Variants in TXLNB observed in about 807,000 individuals in gnomAD.
TXLNB encodes the protein taxilin beta, also known as beta-taxilin.
A neutral mutation model predicts 57.4 loss-of-function variants in TXLNB; 37 were observed. The observed-to-expected ratio is 0.64, with a 90% CI of 0.50 to 0.85. TXLNB has a LOEUF of 0.85. Ranked by LOEUF, TXLNB falls within the 40% of genes least tolerant of loss-of-function variation. The pLI is 0.00. For missense variants in TXLNB, 848 were observed against 825.6 expected (o/e 1.03, Z -0.33); for synonymous variants, 302 against 309.6 (o/e 0.98, Z 0.26).
the TXLNB span, among the ~76,000 whole-genome samples, chr6:139,174,130 C>A: frequency 6.6e-6 from 1 of 152,052 alleles, no homozygotes; most frequent in Admixed American, 6.5e-5. Flanking sequence ...GCCCAGCAGC[C>A]CTTTTTGGAA....
At chr6:139,194,838 C>G in the TXLNB span, among the ~76,000 whole-genome samples, 1 of 152,200 alleles carries the variant, frequency 6.6e-6, no homozygotes, top group Non-Finnish European at 1.5e-5. Flanking sequence ...GGAAGTGTTA[C>G]TACTCTTTCC....
chr6:139,229,854 G>T, the TXLNB span, among the ~76,000 whole-genome samples: 1 of 152,144 alleles, frequency 6.6e-6, no homozygotes, highest in Non-Finnish European at 1.5e-5. Flanking sequence ...AATATTCTCT[G>T]ATAGACAATG....
chr6:139,166,330 G>A, the TXLNB span: 2 of 1,613,052 alleles, frequency 1.2e-6, no homozygotes, highest in Non-Finnish European at 1.7e-6. Flanking sequence ...GTAGGCCGGT[G>A]GACCTGGAGA....
At chr6:139,311,347 T>C in the TXLNB span, among the ~76,000 whole-genome samples, 1 of 152,204 alleles carries the variant, frequency 6.6e-6, no homozygotes, top group African/African-American at 2.4e-5. Context: ...ATAAAACCTC[T>C]TGAATGGATA....
chr6:139,266,454 A>G (rs1441899878), intron 4 of TXLNB, among the ~76,000 whole-genome samples: 3 of 152,210 alleles, frequency 2.0e-5, no homozygotes, highest in Non-Finnish European at 4.4e-5. Flanking sequence ...CTGAAACACA[A>G]CCATCACTGG....
intron 2 of TXLNB, among the ~76,000 whole-genome samples, chr6:139,278,508 A>G (rs985191977): frequency 6.6e-6 from 1 of 152,124 alleles, no homozygotes; most frequent in Non-Finnish European, 1.5e-5. Context: ...TTATCCCTCT[A>G]CTGACAGGGA....
the TXLNB span, among the ~76,000 whole-genome samples, chr6:139,229,732 C>T: frequency 2.6e-5 from 4 of 152,132 alleles, no homozygotes; most frequent in Non-Finnish European, 5.9e-5. Context: ...GGACACACAG[C>T]GGGTGTGATC....
At chr6:139,313,643 A>G in the TXLNB span, among the ~76,000 whole-genome samples, 1 of 152,178 alleles carries the variant, frequency 6.6e-6, no homozygotes, top group Non-Finnish European at 1.5e-5. Context: ...TTGCTATTAG[A>G]AAGTTTATGC....
chr6:139,181,506 G>A, the TXLNB span, among the ~76,000 whole-genome samples: 2 of 152,222 alleles, frequency 1.3e-5, no homozygotes, highest in African/African-American at 4.8e-5. Flanking sequence ...ATGAGTCCCG[G>A]TATTGCGGTG....
intron 2 of TXLNB, among the ~76,000 whole-genome samples, chr6:139,282,440 G>A (rs1034724391): frequency 1.4e-5 from 2 of 144,968 alleles, no homozygotes; most frequent in Non-Finnish European, 3.1e-5. Flanking sequence ...GGCCATGCAT[G>A]GTGGCACGTG....
the TXLNB span, among the ~76,000 whole-genome samples, chr6:139,233,390 A>T: frequency 7.8e-4 from 104 of 133,970 alleles, no homozygotes; most frequent in Middle Eastern, 7.9e-3. Context: ...TATATAAATA[A>T]ATATATATTT....
At chr6:139,314,631 T>G in the TXLNB span, among the ~76,000 whole-genome samples, 2 of 152,228 alleles carry the variant, frequency 1.3e-5, no homozygotes, top group African/African-American at 4.8e-5. Flanking sequence ...TAGATTTGGC[T>G]TGGAATAAAT....
At chr6:139,193,102 C>A in the TXLNB span, among the ~76,000 whole-genome samples, 8 of 152,134 alleles carry the variant, frequency 5.3e-5, no homozygotes, top group African/African-American at 1.9e-4. Context: ...AATACAATAA[C>A]TTCCTCTTCT....
upstream of TXLNB, among the ~76,000 whole-genome samples, chr6:139,295,565 T>A (rs763567373): frequency 1.3e-5 from 2 of 149,516 alleles, no homozygotes; most frequent in East Asian, 3.9e-4. Flanking sequence ...CATAAAACTG[T>A]TGTAGATATT....
chr6:139,193,621 T>C, the TXLNB span, among the ~76,000 whole-genome samples: 1 of 151,370 alleles, frequency 6.6e-6, no homozygotes, highest in Admixed American at 6.6e-5. Context: ...TGGAAGTCTT[T>C]GATGCCTCTA....
chr6:139,229,029 G>T, the TXLNB span, among the ~76,000 whole-genome samples: 1 of 152,190 alleles, frequency 6.6e-6, no homozygotes, highest in Admixed American at 6.5e-5. Flanking sequence ...CAGACTGCAT[G>T]TATCCAGGAC....
At chr6:139,208,911 T>C in the TXLNB span, among the ~76,000 whole-genome samples, 1 of 152,128 alleles carries the variant, frequency 6.6e-6, no homozygotes, top group African/African-American at 2.4e-5. Flanking sequence ...ACCACTTCCA[T>C]TCAACATAGT....
the TXLNB span, among the ~76,000 whole-genome samples, chr6:139,213,375 C>A: frequency 3.3e-5 from 5 of 152,206 alleles, no homozygotes; most frequent in Non-Finnish European, 7.3e-5. Flanking sequence ...TCCTAAATGA[C>A]TACTGGGTAC....
intron 3 of TXLNB, among the ~76,000 whole-genome samples, chr6:139,276,412 C>T (rs1321703879): frequency 6.6e-6 from 1 of 152,210 alleles, no homozygotes; most frequent in Non-Finnish European, 1.5e-5. Context: ...TTTTTCTCAA[C>T]ATGACACCAA....
Sources: gnomAD v4.1 joint callset for allele counts (sites outside exome capture counted in the v4.1 genomes callset) on GRCh38, gnomAD v4.1.1 for gene constraint, MANE v1.5 for transcripts, NCBI Gene and HGNC (gene_info 2026-07-23, HGNC 2026-07-21) for gene names.